ADAM8: variants seen among roughly 807,000 people sequenced by gnomAD.
ADAM8 encodes the protein disintegrin and metalloproteinase domain-containing protein 8.
Under a neutral mutation model 102.4 loss-of-function variants are expected in ADAM8, and 104 were observed. The observed-to-expected ratio is 1.02, with a 90% confidence interval of 0.87 to 1.20. ADAM8 has a LOEUF of 1.20. Among genes scored for constraint, ADAM8 ranks in the 50% most tolerant of loss-of-function variants. The pLI is 0.00. For synonymous variants in ADAM8, 517 were observed against 485.2 expected, an observed-to-expected ratio of 1.07 and a Z score of -0.86; for missense variants, 1,132 against 1,159.0, an observed-to-expected ratio of 0.98 and a Z score of 0.34.
Position 133,272,795 on chromosome 10 carries a change from C to T in ADAM8, c.705+3G>A. On this transcript the variant is annotated splice_donor_region_variant and intron_variant, in intron 8 of 22. Transcript: ENST00000445355. Reference sequence around the variant, plus strand: ...CACCTCTGCAGCCAGGACCGCTGCCCACCTTGTCCACGTGATTCACCACCT... The same window carrying T: ...CACCTCTGCAGCCAGGACCGCTGCCTACCTTGTCCACGTGATTCACCACCT... 1 of 1,608,846 alleles carries T rather than the reference C, an allele frequency of 6.2e-7. No individual in the cohort carries two copies. The highest frequency in any genetic ancestry group is 8.5e-7 in the Non-Finnish European group (1 of 1,177,902).
Position 133,270,403 on chromosome 10 carries a change from G to T in ADAM8, c.1742C>A (p.Ala581Glu). 1.3e-6 allele frequency: 2 copies of T among 1,598,454 alleles called. No individual in the cohort carries two copies. Among genetic ancestry groups the T allele is most frequent in the Non-Finnish European group, 1.7e-6 (2 of 1,168,242 alleles). ...GGTGCCCTCGGGCACTGGTTCATAC[G>T]CAGTGCCATCCTCTGTGGTGAGCGC... ...CHALTTEDGTAYEPVPEGTRC... is the reference protein window; with the variant it reads ...CHALTTEDGTEYEPVPEGTRC... Residue 581 changes from alanine (A) to glutamate (E), a missense_variant, in exon 16 of 23, where the codon GCG (alanine) becomes GAG (glutamate). Transcript: ENST00000445355.
rs1194936593 is a variant in ADAM8, at chr10:133,276,808, G to A, written c.10C>T (p.Leu4Phe). Residue 4 changes from leucine (L) to phenylalanine (F), a missense_variant, in exon 1 of 23, where the codon CTC (leucine) becomes TTC (phenylalanine). Coordinates refer to ENST00000445355, the MANE Select transcript of ADAM8 (RefSeq NM_001109.5). MRG[L>F]GLWLLGAMML... ...ATCGCGCCCAGCAGCCAGAGCCCGA[G>A]GCCGCGCATGGCCGGGTCGGGGAGC... The A allele has an allele frequency of 3.9e-6, 6 of 1,528,490 alleles. No individual in the cohort carries two copies. The highest frequency in any genetic ancestry group is 2.0e-5 in the Admixed American group (1 of 50,148). 94.7% of individuals were successfully genotyped at this position (1,528,490 alleles called of 1,614,324 possible).
In ADAM8 at chr10:133,262,904, C is replaced by T; in HGVS notation, c.*252G>A. 1.6e-6 allele frequency: 1 copy of T among 631,802 alleles called. No homozygotes were observed. The highest frequency in any genetic ancestry group is 2.9e-6 in the Non-Finnish European group (1 of 350,546). 39.1% of individuals were successfully genotyped at this position (631,802 alleles called of 1,614,324 possible). ...ACGTACACACACACGCACCCGCAAGCACACAGCTCATCCCAGCCTGGTGCC... is the reference window on the plus strand; with the variant it reads ...ACGTACACACACACGCACCCGCAAGTACACAGCTCATCCCAGCCTGGTGCC... On this transcript the variant is annotated 3_prime_UTR_variant, in exon 23 of 23. Transcript: ENST00000445355.
intron 2 of ADAM8, 28 bp from the exon 3 acceptor site, chr10:133,274,263 G>A (rs918252545): frequency 2.0e-5 from 31 of 1,513,392 alleles, no homozygotes; most frequent in Admixed American, 1.1e-4. Flanking sequence ...GGTCCCAGGT[G>A]AGCAGCCTGC....
intron 21 of ADAM8, among the ~76,000 whole-genome samples, chr10:133,266,991 G>A (rs1187379427): frequency 2.0e-5 from 3 of 152,070 alleles, no homozygotes; most frequent in Non-Finnish European, 2.9e-5. Context: ...AGCGCGGAAC[G>A]TGTCCCTGCC....
intron 12 of ADAM8, 64 bp downstream of exon 12, chr10:133,271,464 G>A: frequency 6.7e-7 from 1 of 1,499,474 alleles, no homozygotes; most frequent in Non-Finnish European, 9.0e-7. Context: ...GGTCACCCTG[G>A]CCTGAAGGGA....
chr10:133,266,786 G>T (rs1166822160), intron 21 of ADAM8, among the ~76,000 whole-genome samples: 1 of 152,186 alleles, frequency 6.6e-6, no homozygotes, highest in Admixed American at 6.5e-5. Context: ...CAGGGCTGAG[G>T]CCAATGAGCT....
At position 133,276,844 on chromosome 10, in the gene ADAM8, G is replaced by A. The variant is rs1846776858; in HGVS notation, c.-27C>T. The A allele has an allele frequency of 1.3e-6, 2 of 1,516,276 alleles. No individual in the cohort carries two copies. Among genetic ancestry groups the A allele is most frequent in the African/African-American group, 2.9e-5 (2 of 69,426 alleles). The allele number at this position is 1,516,276 out of a possible 1,614,324, so 93.9% of individuals were successfully genotyped here. A position where few individuals can be genotyped will look rare whatever the true frequency, so the allele number is the denominator to read the frequency against. On this transcript the variant is annotated 5_prime_UTR_variant, in exon 1 of 23. Transcript: ENST00000445355. The stretch of plus-strand genomic sequence containing the variant: ...GCCGGGTCGGGGAGCAGAGGCGGAG[G>A]TGACAGCCCCGCGGGACACGGTCTG...
At chr10:133,269,619 G>A in intron 17 of ADAM8, 90 bp from the exon 18 acceptor site, 1 of 1,329,452 alleles carries the variant, frequency 7.5e-7, no homozygotes. Flanking sequence ...CCCCGGGCCA[G>A]CCCCACCCCC....
chr10:133,275,129 GC>G (rs577449544), intron 2 of ADAM8: 8,870 of 283,902 alleles, frequency 0.031, 27 homozygotes, highest in African/African-American at 0.043. Context: ...CCCCCGCCAG[GC>G]CCCCCCCCCA....
At chr10:133,267,281 A>C in intron 21 of ADAM8, 71 bp downstream of exon 21, 1 of 1,508,578 alleles carries the variant, frequency 6.6e-7, no homozygotes, top group East Asian at 2.3e-5. Context: ...GGTGCAGTGC[A>C]CAGACCCCAA....
Position 133,274,205 on chromosome 10 carries a change from G to T in ADAM8, c.181C>A (p.Leu61Ile), listed in dbSNP as rs781434195. ...GTGAAGTTGTGCCCTGTGGCCCCAA[G>T]GACGTAGCTCACCCTCTCTGGGTGC... is the stretch of plus-strand genomic sequence containing the variant. The part of the protein sequence containing the change: ...GLHPERVSYV[L>I]GATGHNFTLH... Residue 61 changes from leucine (L) to isoleucine (I), a missense_variant, in exon 3 of 23, where the codon CTT (leucine) becomes ATT (isoleucine). Leu to Ile is a conservative substitution (Grantham distance 5). Transcript: ENST00000445355. 7 of 1,584,734 alleles carry T rather than the reference G, an allele frequency of 4.4e-6. No individual in the cohort carries two copies. Among genetic ancestry groups the T allele is most frequent in the Middle Eastern group, 1.7e-4 (1 of 5,908 alleles).
At chr10:133,264,998 C>T (rs1846280778) in intron 21 of ADAM8, among the ~76,000 whole-genome samples, 1 of 143,318 alleles carries the variant, frequency 7.0e-6, no homozygotes. Flanking sequence ...GTTCCTGCTG[C>T]AGCCTCTGCC....
chr10:133,269,305 A>G (rs1846438210), intron 18 of ADAM8, 140 bp downstream of exon 18: 1 of 1,266,356 alleles, frequency 7.9e-7, no homozygotes, highest in African/African-American at 1.5e-5. Context: ...CTCTGCCTAT[A>G]CCTGTGTGTC....
Position 133,270,982 on chromosome 10 carries a change from T to C in ADAM8, c.1463A>G (p.Glu488Gly), listed in dbSNP as rs1846502965. Residue 488 changes from glutamate to glycine, a missense_variant, in exon 14 of 23, where the codon GAA (glutamate) becomes GGA (glycine). Transcript: ENST00000445355. Reference protein sequence around the residue: ...FCDGRHPECPEDAFQENGTPC... With the variant: ...FCDGRHPECPGDAFQENGTPC... ...CGTGCCGTTCTCCTGGAAGGCGTCT[T>C]CCGGGCACTCAGGGTGCCGGCCGTC... The C allele has an allele frequency of 6.2e-7, 1 of 1,612,716 alleles. No homozygotes were observed. Among genetic ancestry groups the C allele is most frequent in the Non-Finnish European group, 8.5e-7 (1 of 1,179,968 alleles).
Position 133,271,535 on chromosome 10 carries a change from G to A in ADAM8, c.1277C>T (p.Pro426Leu). 6.4e-7 allele frequency: 1 copy of A among 1,554,540 alleles called. No individual in the cohort carries two copies. Among genetic ancestry groups the A allele is most frequent in the South Asian group, 1.2e-5 (1 of 84,420 alleles). ...TATGGGGCATGGACGCACCTCGGGG[G>A]GGCCGCAGTCGCACTGCTCCCCACG... ...VERGEQCDCG[P>L]PEDCRNRCCN... Residue 426 changes from proline (P) to leucine (L), a missense_variant, in exon 12 of 23, where the codon CCC becomes CTC. Physicochemically the swap from Pro to Leu is moderately conservative, Grantham distance 98. Transcript: ENST00000445355.
intron 15 of ADAM8, 62 bp downstream of exon 15, chr10:133,270,674 T>G (rs1472197094): frequency 3.8e-6 from 6 of 1,567,126 alleles, no homozygotes; most frequent in Non-Finnish European, 5.2e-6. Context: ...CAGAGGCCCT[T>G]CTGGGGCTGA....
intron 3 of ADAM8, 22 bp downstream of exon 3, chr10:133,274,137 G>C: frequency 6.3e-7 from 1 of 1,583,162 alleles, no homozygotes; most frequent in Non-Finnish European, 8.6e-7. Flanking sequence ...CGGGCAGGGG[G>C]GCCGACCCGA....
chr10:133,272,602 GT>G lies in ADAM8; in HGVS notation c.706-18del. The G allele has an allele frequency of 6.3e-7, 1 of 1,597,338 alleles. No individual in the cohort carries two copies. The highest frequency in any genetic ancestry group is 8.5e-7 in the Non-Finnish European group (1 of 1,170,972). ...CTGATATAGCTGGAGAGGTGGTGGA[GT>G]CCTGGGGGTCAGGCAGGGTGGCGGA... On this transcript the variant is annotated intron_variant, in intron 8 of 22. Transcript: ENST00000445355.
Sources: allele counts gnomAD v4.1 joint callset (sites outside exome capture counted in the v4.1 genomes callset), GRCh38; gene constraint gnomAD v4.1.1; transcripts MANE v1.5; gene names NCBI Gene and HGNC (gene_info 2026-07-23, HGNC 2026-07-21).